Variants in OPHN1 observed in about 807,000 individuals in gnomAD.
The protein encoded by OPHN1 is oligophrenin-1.
In OPHN1, 11 loss-of-function variants were observed where a neutral mutation model predicts 60.7. The observed-to-expected ratio is 0.18, with a 90% CI of 0.11 to 0.30. The LOEUF is 0.30. Among genes scored for constraint, OPHN1 ranks in the 10% least tolerant of loss-of-function variants. The probability of loss-of-function intolerance (pLI) is 1.00; values close to 1 mark genes in which losing one functional copy is unlikely to be tolerated. For synonymous variants in OPHN1, 226 were observed against 222.6 expected (o/e 1.02, Z -0.14); for missense variants, 449 against 611.0 (o/e 0.73, Z 2.80).
intron 15 of OPHN1, among the ~76,000 whole-genome samples, chrX:68,185,132 C>T (rs2077456733): frequency 1.8e-5 from 2 of 112,286 alleles, no homozygotes; most frequent in African/African-American, 3.2e-5. Flanking sequence ...TGCTTATTAT[C>T]GTTATTTGCA....
At chrX:68,179,568 T>C (rs2077428177) in intron 15 of OPHN1, among the ~76,000 whole-genome samples, 1 of 111,755 alleles carries the variant, frequency 8.9e-6, no homozygotes, top group Non-Finnish European at 1.9e-5. Context: ...TTAGTGAAAA[T>C]CTCCTACTCT....
At chrX:68,352,598 C>G (rs769490477) in intron 2 of OPHN1, among the ~76,000 whole-genome samples, 3 of 111,727 alleles carry the variant, frequency 2.7e-5, no homozygotes, top group Non-Finnish European at 5.6e-5. Context: ...AAAACATTCA[C>G]TTATTAAAAT....
intron 6 of OPHN1, among the ~76,000 whole-genome samples, chrX:68,224,728 A>G (rs781676292): frequency 2.8e-4 from 31 of 112,496 alleles, no homozygotes; most frequent in African/African-American, 9.7e-4. Context: ...ATAAGAAAAA[A>G]TAAACATTAA....
At chrX:68,373,112 C>T (rs1317559285) in intron 2 of OPHN1, among the ~76,000 whole-genome samples, 1 of 111,869 alleles carries the variant, frequency 8.9e-6, no homozygotes, top group African/African-American at 3.2e-5. Flanking sequence ...GGTTCTTCAG[C>T]CTTTTCAGCT....
chrX:68,220,461 T>A (rs1470899633), intron 6 of OPHN1, among the ~76,000 whole-genome samples: 1 of 109,822 alleles, frequency 9.1e-6, no homozygotes, highest in Admixed American at 9.8e-5. Context: ...TACCAAAGCC[T>A]GGCAGAGACA....
At chrX:68,416,061 T>TAG (rs1325941322) in intron 2 of OPHN1, among the ~76,000 whole-genome samples, 7 of 6,310 alleles carry the variant, frequency 1.1e-3, no homozygotes, top group Admixed American at 6.3e-3. Context: ...TATATATATA[T>TAG]ATATATAGAG....
Position 68,398,747 on chromosome X carries a change from G to A in OPHN1, c.154+34120C>T, listed in dbSNP as rs1416136023. ...GCGGATCACCTGAGGTCAGGAGTTC[G>A]AGACCAGCCTGGCCAATATGACGAA... On this transcript the variant is annotated intron_variant, in intron 2 of 24. Transcript: ENST00000355520. Among the ~76,000 whole-genome samples the A allele has an allele frequency of 5.4e-5, 6 of 110,455 alleles. No homozygotes were observed. In the East Asian group the frequency reaches 8.5e-4, roughly 16 times the overall value.
At chrX:68,286,643 AGCTTCTTATTT>A (rs2078042399) in intron 3 of OPHN1, among the ~76,000 whole-genome samples, 1 of 111,853 alleles carries the variant, frequency 8.9e-6, no homozygotes, top group Non-Finnish European at 1.9e-5. Flanking sequence ...TTTATTGTTC[AGCTTCTTATTT>A]GCTACTTTAT....
intron 2 of OPHN1, among the ~76,000 whole-genome samples, chrX:68,390,887 A>T (rs886377502): frequency 1.8e-5 from 2 of 112,014 alleles, no homozygotes; most frequent in Non-Finnish European, 3.8e-5. Flanking sequence ...AAAATGACAC[A>T]AATTTATTAT....
At chrX:68,317,563 GAA>G (rs2078213340) in intron 2 of OPHN1, among the ~76,000 whole-genome samples, 1 of 81,877 alleles carries the variant, frequency 1.2e-5, no homozygotes, top group African/African-American at 5.6e-5. Flanking sequence ...AAGAAAGAAA[GAA>G]AGAAAGAAAG....
chrX:68,138,530 A>G (rs1273806807), intron 15 of OPHN1, among the ~76,000 whole-genome samples: 1 of 112,281 alleles, frequency 8.9e-6, no homozygotes, highest in African/African-American at 3.2e-5. Context: ...AGCACCATAA[A>G]AAGTATCATT....
intron 9 of OPHN1, among the ~76,000 whole-genome samples, chrX:68,207,998 TTC>T (rs1429912397): frequency 9.0e-6 from 1 of 110,793 alleles, no homozygotes; most frequent in African/African-American, 3.3e-5. Flanking sequence ...CCTTCTTTCT[TTC>T]TCTCTCTTTC....
At chrX:68,415,684 A>G (rs2078790502) in intron 2 of OPHN1, among the ~76,000 whole-genome samples, 1 of 111,758 alleles carries the variant, frequency 8.9e-6, no homozygotes, top group South Asian at 3.7e-4. Flanking sequence ...GACTGCTTAT[A>G]TATTACCCAA....
chrX:68,319,366 G>A (rs2078224386), intron 2 of OPHN1, among the ~76,000 whole-genome samples: 1 of 111,493 alleles, frequency 9.0e-6, no homozygotes, highest in South Asian at 3.7e-4. Context: ...TTAGGAGAAA[G>A]TTTGAAGAAA....
intron 2 of OPHN1, among the ~76,000 whole-genome samples, chrX:68,346,420 C>A (rs930033483): frequency 1.8e-5 from 2 of 111,561 alleles, no homozygotes; most frequent in African/African-American, 6.5e-5. Context: ...ACTGGGAAAT[C>A]CAAGAGAAAA....
chrX:68,319,676 C>G (rs1193304939), intron 2 of OPHN1, among the ~76,000 whole-genome samples: 4 of 110,143 alleles, frequency 3.6e-5, no homozygotes, highest in African/African-American at 1.3e-4. Flanking sequence ...GTGGAGGTTG[C>G]AGTGAGCCGG....
At chrX:68,078,489 A>C (rs1362604394) in intron 19 of OPHN1, among the ~76,000 whole-genome samples, 1 of 111,955 alleles carries the variant, frequency 8.9e-6, no homozygotes, top group African/African-American at 3.3e-5. Flanking sequence ...ATAGGCATCC[A>C]TCCATGCATC....
intron 15 of OPHN1, among the ~76,000 whole-genome samples, chrX:68,136,225 G>A (rs1344117480): frequency 1.9e-5 from 2 of 107,750 alleles, no homozygotes; most frequent in African/African-American, 3.4e-5. Flanking sequence ...AGTGTAACAA[G>A]TCACAATTTT....
intron 15 of OPHN1, among the ~76,000 whole-genome samples, chrX:68,163,450 G>C (rs967098386): frequency 3.4e-5 from 3 of 87,788 alleles, no homozygotes; most frequent in East Asian, 3.0e-4. Context: ...GTGTGTGTGT[G>C]TGTGTGTGTA....
Sources: allele counts gnomAD v4.1 joint callset (sites outside exome capture counted in the v4.1 genomes callset), GRCh38; gene constraint gnomAD v4.1.1; transcripts MANE v1.5; gene names NCBI Gene and HGNC (gene_info 2026-07-23, HGNC 2026-07-21).